Variants in CPAP observed in about 807,000 individuals in gnomAD.
CPAP encodes the protein centrosomal P4.1-associated protein.
chr13:24,925,615 A>T, the CPAP span, among the ~76,000 whole-genome samples: 2 of 152,170 alleles, frequency 1.3e-5, no homozygotes, highest in African/African-American at 4.8e-5. Context: ...AAAGAAAAAA[A>T]GTGGGGGAGG....
the CPAP span, among the ~76,000 whole-genome samples, chr13:24,889,644 T>A: frequency 6.6e-6 from 1 of 152,052 alleles, no homozygotes; most frequent in Non-Finnish European, 1.5e-5. Flanking sequence ...GTAGGCAAGG[T>A]TACCTGAACC....
the CPAP span, chr13:24,884,092 A>G: frequency 1.3e-6 from 2 of 1,569,010 alleles, no homozygotes; most frequent in South Asian, 1.1e-5. Context: ...TTCTGTTTAA[A>G]AAGTTGTTAC....
chr13:24,904,765 T>C, the CPAP span, among the ~76,000 whole-genome samples: 1 of 152,092 alleles, frequency 6.6e-6, no homozygotes, highest in Admixed American at 6.5e-5. Context: ...ATTAACGTTA[T>C]AATTTCTATT....
At chr13:24,890,573 C>G in the CPAP span, among the ~76,000 whole-genome samples, 119 of 152,318 alleles carry the variant, frequency 7.8e-4, no homozygotes, top group Non-Finnish European at 1.2e-3. Flanking sequence ...GTGGCATTCA[C>G]TTGGATGACC....
At chr13:24,883,238 C>G in the CPAP span, 12 of 1,613,986 alleles carry the variant, frequency 7.4e-6, no homozygotes, top group Non-Finnish European at 1.0e-5. Context: ...CCGACCGGAT[C>G]TGTACTTCGT....
At chr13:24,896,430 T>A in the CPAP span, among the ~76,000 whole-genome samples, 3 of 152,248 alleles carry the variant, frequency 2.0e-5, no homozygotes, top group African/African-American at 7.2e-5. Context: ...AGGTGGCTAC[T>A]ACTAAGTCCT....
the CPAP span, chr13:24,889,253 G>A: frequency 9.5e-7 from 1 of 1,051,456 alleles, no homozygotes; most frequent in African/African-American, 1.6e-5. Context: ...TATTAAGTTG[G>A]GTATAAATTG....
the CPAP span, among the ~76,000 whole-genome samples, chr13:24,931,781 T>C: frequency 6.6e-6 from 1 of 152,266 alleles, no homozygotes; most frequent in Non-Finnish European, 1.5e-5. Context: ...CTCACTCTCC[T>C]GTTTCCACGA....
At chr13:24,921,945 T>A in the CPAP span, among the ~76,000 whole-genome samples, 1 of 152,172 alleles carries the variant, frequency 6.6e-6, no homozygotes, top group African/African-American at 2.4e-5. Flanking sequence ...TTATTATTGA[T>A]ACTGAGGTCT....
At chr13:24,889,208 T>C in the CPAP span, 2 of 830,444 alleles carry the variant, frequency 2.4e-6, no homozygotes, top group East Asian at 5.0e-5. Context: ...TTCAAATTCA[T>C]TCAAATGTTC....
At chr13:24,921,165 G>A in the CPAP span, among the ~76,000 whole-genome samples, 4 of 152,068 alleles carry the variant, frequency 2.6e-5, no homozygotes, top group Admixed American at 1.3e-4. Flanking sequence ...TGAAACTGCC[G>A]GTTGTAACCC....
chr13:24,904,567 AG>A, the CPAP span, among the ~76,000 whole-genome samples: 7 of 152,238 alleles, frequency 4.6e-5, no homozygotes, highest in African/African-American at 1.7e-4. Flanking sequence ...ACAAGGCTAA[AG>A]AAATGAGCTA....
the CPAP span, chr13:24,884,491 T>G: frequency 6.2e-7 from 1 of 1,612,614 alleles, no homozygotes; most frequent in South Asian, 1.1e-5. Flanking sequence ...GATTATCACC[T>G]AAGATTTTCT....
the CPAP span, among the ~76,000 whole-genome samples, chr13:24,884,990 T>C: frequency 1.3e-5 from 2 of 152,144 alleles, no homozygotes; most frequent in Admixed American, 1.3e-4. Context: ...TAGCTGGAGA[T>C]GAGGAGAGAG....
chr13:24,928,969 C>A, the CPAP span, among the ~76,000 whole-genome samples: 7 of 152,292 alleles, frequency 4.6e-5, no homozygotes, highest in African/African-American at 1.7e-4. Flanking sequence ...AACTGCAGAG[C>A]AATACCATAA....
the CPAP span, chr13:24,905,488 G>A: frequency 6.2e-7 from 1 of 1,614,178 alleles, no homozygotes; most frequent in Non-Finnish European, 8.5e-7. Context: ...ACTTGCTCAA[G>A]TCTTCTCCCC....
At chr13:24,916,127 A>G in the CPAP span, among the ~76,000 whole-genome samples, 1 of 152,190 alleles carries the variant, frequency 6.6e-6, no homozygotes, top group Non-Finnish European at 1.5e-5. Flanking sequence ...CAAGGTGAAG[A>G]GGAGTATTTT....
At chr13:24,924,600 A>G in the CPAP span, 2 of 152,360 alleles carry the variant, frequency 1.3e-5, no homozygotes, top group South Asian at 4.1e-4. Flanking sequence ...AGACAATAAA[A>G]TGTTCTACCT....
At chr13:24,896,296 G>A in the CPAP span, among the ~76,000 whole-genome samples, 1 of 152,194 alleles carries the variant, frequency 6.6e-6, no homozygotes, top group Non-Finnish European at 1.5e-5. Flanking sequence ...AAGAGGGACG[G>A]CAACTCACCA....
Sources: allele counts gnomAD v4.1 joint callset (sites outside exome capture counted in the v4.1 genomes callset), GRCh38; gene constraint gnomAD v4.1.1; transcripts MANE v1.5; gene names NCBI Gene and HGNC (gene_info 2026-07-23, HGNC 2026-07-21).